Variants in RIN2 observed in about 807,000 individuals in gnomAD.
RIN2 encodes Ras and Rab interactor 2.
RIN2 carries 36 observed loss-of-function variants against 78.0 expected under a neutral mutation model. The ratio of observed to expected loss-of-function variants is 0.46; its 90% CI spans 0.35 to 0.61. The LOEUF (loss-of-function observed/expected upper bound fraction) is 0.61, where lower values mean the gene tolerates loss of function less well. Among genes scored for constraint, RIN2 ranks in the 20% least tolerant of loss-of-function variants. The pLI is 0.00. For missense variants in RIN2, 1,087 were observed against 1,159.7 expected (o/e 0.94, Z 0.91); for synonymous variants, 466 against 466.8 (o/e 1.00, Z 0.02).
Position 19,996,766 on chromosome 20 carries a change from A to T in RIN2, c.2288A>T (p.Glu763Val). The change falls in exon 12 of 13, where the codon GAA becomes GTA. Residue 763 changes from glutamate to valine, a missense_variant. Physicochemically the swap from Glu to Val is moderately radical, Grantham distance 121. Around this residue, in one of 8 missense-constraint regions of RIN2, gnomAD observed 160 missense variants for 179.4 expected, o/e 0.89. Coordinates refer to ENST00000255006, the MANE Select transcript of RIN2 (RefSeq NM_018993.4). ...CAAGCAGCGCGACTGCTCAGCTCAG[A>T]AACCAGAGACACCCTGAGGCAGTGG... ...EEQAARLLSS[E>V]TRDTLRQWHK... 3.1e-6 allele frequency: 5 copies of T among 1,613,290 alleles called. No homozygotes were observed. The highest frequency in any genetic ancestry group is 4.2e-6 in the Non-Finnish European group (5 of 1,179,604).
At chr20:19,803,564 T>C (rs534256152) in intron 2 of RIN2, among the ~76,000 whole-genome samples, 67 of 152,308 alleles carry the variant, frequency 4.4e-4, no homozygotes, top group African/African-American at 1.6e-3. Context: ...ACTGGACCCC[T>C]TCCTTATACC....
chr20:20,002,456 C>T lies in RIN2; in HGVS notation c.*1520C>T, dbSNP rs2043163267. ...TGTGTGAAAATAATTTTTGAAATATCCTTTGGCTGTTTTTTTTTTTCTTTA... is the reference window on the plus strand; with the variant it reads ...TGTGTGAAAATAATTTTTGAAATATTCTTTGGCTGTTTTTTTTTTTCTTTA... On this transcript the variant is annotated 3_prime_UTR_variant, in exon 13 of 13. Coordinates refer to ENST00000255006, the MANE Select transcript of RIN2 (RefSeq NM_018993.4). The T allele has an allele frequency of 6.6e-6, 1 of 151,754 alleles. No homozygotes were observed. The highest frequency in any genetic ancestry group is 6.6e-5 in the Admixed American group (1 of 15,210). The allele number at this position is 151,754 out of a possible 1,614,324, so 9.4% of individuals were successfully genotyped here. A position where few individuals can be genotyped will look rare whatever the true frequency, so the allele number is the denominator to read the frequency against.
At chr20:19,880,181 G>A (rs542212745) in intron 2 of RIN2, among the ~76,000 whole-genome samples, 6 of 151,112 alleles carry the variant, frequency 4.0e-5, no homozygotes, top group South Asian at 2.1e-4. Flanking sequence ...AACCAGGAAG[G>A]TGGAGATTGC....
chr20:19,956,509 GGGGTATGTGCGGT>G lies in RIN2; in HGVS notation c.159-103_159-91del, dbSNP rs1315226684. The G allele has an allele frequency of 6.2e-4, 580 of 930,088 alleles. 4 individuals carry two copies. In the Middle Eastern group the frequency reaches 8.9e-3, roughly 14 times the overall value. 57.6% of individuals were successfully genotyped at this position (930,088 alleles called of 1,614,324 possible). A position where few individuals can be genotyped will look rare whatever the true frequency, so the allele number is the denominator to read the frequency against. On this transcript the variant is annotated intron_variant, in intron 4 of 12. Coordinates refer to ENST00000255006, the MANE Select transcript of RIN2 (RefSeq NM_018993.4). ...ATGATTAAGGGGGCGATCACAAGAT[GGGGTATGTGCGGT>G]GGCAAGCCTGGCCTATGAACTTGTA... is the stretch of plus-strand genomic sequence containing the variant.
intron 2 of RIN2, among the ~76,000 whole-genome samples, chr20:19,822,890 A>G (rs150304566): frequency 0.01 from 1,579 of 152,294 alleles, 35 homozygotes; most frequent in African/African-American, 0.036. Flanking sequence ...AGAGGTGACT[A>G]TTTGCATGAA....
At chr20:19,849,075 A>T (rs963701171) in intron 2 of RIN2, among the ~76,000 whole-genome samples, 1 of 152,134 alleles carries the variant, frequency 6.6e-6, no homozygotes, top group Non-Finnish European at 1.5e-5. Flanking sequence ...GCTATTGGCC[A>T]TTTGGGGAGT....
intron 3 of RIN2, among the ~76,000 whole-genome samples, chr20:19,912,604 A>G (rs423426): frequency 0.6 from 91,051 of 150,818 alleles, 29,244 homozygotes; most frequent in East Asian, 0.94. Flanking sequence ...TCAGCCTCCC[A>G]AATAGCTGGG....
chr20:20,001,927 A>G lies in RIN2; in HGVS notation c.*991A>G, dbSNP rs1275546420. 1 of 152,654 alleles carries G rather than the reference A, an allele frequency of 6.6e-6. No individual in the cohort carries two copies. The highest frequency in any genetic ancestry group is 1.5e-5 in the Non-Finnish European group (1 of 68,054). The allele number at this position is 152,654 out of a possible 1,614,324, so 9.5% of individuals were successfully genotyped here. A position where few individuals can be genotyped will look rare whatever the true frequency, so the allele number is the denominator to read the frequency against. ...AGTGAGGTTTGGCAAAATCTATTCC[A>G]TGTGTGATTTGCTTGTAGAAACAAT... On this transcript the variant is annotated 3_prime_UTR_variant, in exon 13 of 13. Transcript: ENST00000255006.
At position 19,788,425 on chromosome 20, in the gene RIN2, T is replaced by C. The variant is rs539867519; in HGVS notation, c.-162-11197T>C. ...GCCTGGCCAACATGGCGAAATCCTG[T>C]CTCTGCCAAAAAAAAAAAAAAAAAC... On this transcript the variant is annotated intron_variant, in intron 1 of 12. Coordinates refer to ENST00000255006, the MANE Select transcript of RIN2 (RefSeq NM_018993.4). 1.7e-3 allele frequency among the ~76,000 whole-genome samples: 114 copies of C among 65,808 alleles called. No homozygotes were observed. In the African/African-American group the frequency reaches 0.022, roughly 13 times the overall value. 43.2% of individuals were successfully genotyped at this position (65,808 alleles called of 152,430 possible).
At chr20:19,762,023 A>C (rs2122291888) in intron 1 of RIN2, among the ~76,000 whole-genome samples, 1 of 152,326 alleles carries the variant, frequency 6.6e-6, no homozygotes, top group East Asian at 1.9e-4. Context: ...CTGTTCTCTC[A>C]TTCCTCTCTC....
chr20:19,928,806 T>C (rs1164184117), intron 3 of RIN2, among the ~76,000 whole-genome samples: 1 of 151,988 alleles, frequency 6.6e-6, no homozygotes, highest in Non-Finnish European at 1.5e-5. Flanking sequence ...CACCCCCTCT[T>C]CTTCCCTGGA....
intron 3 of RIN2, among the ~76,000 whole-genome samples, chr20:19,897,131 A>T (rs2038768145): frequency 6.6e-6 from 1 of 152,090 alleles, no homozygotes; most frequent in African/African-American, 2.4e-5. Context: ...TTTGAGACAG[A>T]GTCTCTCTCT....
intron 2 of RIN2, among the ~76,000 whole-genome samples, chr20:19,874,054 A>G (rs1212147694): frequency 8.7e-6 from 1 of 114,812 alleles, no homozygotes; most frequent in African/African-American, 3.3e-5. Flanking sequence ...TGCCTTTTTC[A>G]CATTTTGGTG....
chr20:19,824,014 C>A lies in RIN2; in HGVS notation c.-37+24267C>A, dbSNP rs909135942. The A allele has an allele frequency of 6.3e-6, 6 of 947,330 alleles. No homozygotes were observed. In the African/African-American group the frequency reaches 9.8e-5, roughly 15 times the overall value. The allele number at this position is 947,330 out of a possible 1,614,324, so 58.7% of individuals were successfully genotyped here. The stretch of plus-strand genomic sequence containing the variant: ...AAGAAAGTTGCACCTTGGCCTCCTC[C>A]GAGCCGAAAGCCGAGAGAGCTGCTC... On this transcript the variant is annotated intron_variant, in intron 2 of 12. Transcript: ENST00000255006.
intron 9 of RIN2, among the ~76,000 whole-genome samples, chr20:19,982,442 T>A (rs1340321960): frequency 4.6e-5 from 7 of 152,102 alleles, no homozygotes; most frequent in Non-Finnish European, 2.9e-5. Context: ...CCTGGTGTCA[T>A]ATTTTCAAGA....
intron 2 of RIN2, among the ~76,000 whole-genome samples, chr20:19,828,528 G>T (rs577474918): frequency 6.6e-6 from 1 of 152,090 alleles, no homozygotes; most frequent in Non-Finnish European, 1.5e-5. Flanking sequence ...CACTTCCTGC[G>T]TTGATGGTGG....
At chr20:19,904,263 A>AAT (rs1555787905) in intron 3 of RIN2, among the ~76,000 whole-genome samples, 106 of 146,802 alleles carry the variant, frequency 7.2e-4, no homozygotes, top group Non-Finnish European at 1.1e-3. Context: ...ATATATATAA[A>AAT]ATATATATAT....
At chr20:19,835,373 C>T (rs2036390708) in intron 2 of RIN2, among the ~76,000 whole-genome samples, 1 of 152,096 alleles carries the variant, frequency 6.6e-6, no homozygotes, top group African/African-American at 2.4e-5. Context: ...TTGAAGTGCT[C>T]ATGTGTAAAT....
intron 2 of RIN2, among the ~76,000 whole-genome samples, chr20:19,879,234 G>A (rs991777296): frequency 6.6e-6 from 1 of 152,194 alleles, no homozygotes; most frequent in Non-Finnish European, 1.5e-5. Flanking sequence ...CACCTTTCTG[G>A]TGATGGCAAC....
Sources: gnomAD v4.1 joint callset for allele counts (sites outside exome capture counted in the v4.1 genomes callset) on GRCh38, gnomAD v4.1.1 for gene constraint, gnomAD v4.1.1 regional missense constraint, MANE v1.5 for transcripts, NCBI Gene and HGNC (gene_info 2026-07-23, HGNC 2026-07-21) for gene names.